The following PCLO variants were observed in gnomAD, a reference collection of about 807,000 sequenced individuals.
PCLO encodes the protein piccolo presynaptic cytomatrix protein, also known as protein piccolo.
Under a neutral mutation model 427.5 loss-of-function variants are expected in PCLO, and 82 were observed. The ratio of observed to expected loss-of-function variants is 0.19; its 90% confidence interval spans 0.16 to 0.23. PCLO has a LOEUF of 0.23. PCLO is among the 10% of genes least tolerant of loss of function. PCLO has a pLI of 1.00. For missense variants in PCLO, 6,239 were observed against 6,115.9 expected (o/e 1.02, Z -0.67); for synonymous variants, 2,357 against 2,155.4 (o/e 1.09, Z -2.59).
chr7:82,779,963 G>A (rs964772161), intron 22 of PCLO, among the ~76,000 whole-genome samples: 2 of 152,028 alleles, frequency 1.3e-5, no homozygotes, highest in Non-Finnish European at 2.9e-5. Flanking sequence ...CTAATAGAGT[G>A]TTCAGCATAT....
chr7:83,098,572 A>C (rs1790653014), intron 3 of PCLO, among the ~76,000 whole-genome samples: 1 of 152,140 alleles, frequency 6.6e-6, no homozygotes, highest in Admixed American at 6.5e-5. Context: ...AAAGGGAATA[A>C]ATGACTAAAC....
chr7:83,134,382 T>A lies in PCLO; in HGVS notation c.3168A>T (p.Glu1056Asp). 1 of 1,613,844 alleles carries A rather than the reference T, an allele frequency of 6.2e-7. No individual in the cohort carries two copies. Among genetic ancestry groups the A allele is most frequent in the Admixed American group, 1.7e-5 (1 of 60,004 alleles). ...PTKLEKSPKP[E>D]STCPLCKTEL... ...CAGTTTTGCAGAGAGGACAGGTTGATTCTGGTTTGGGCGATTTCTCCAGTT... is the reference window on the plus strand; with the variant it reads ...CAGTTTTGCAGAGAGGACAGGTTGAATCTGGTTTGGGCGATTTCTCCAGTT... The change falls in exon 3 of 25, where the codon GAA becomes GAT. Residue 1056 changes from glutamate (E) to aspartate (D), a missense_variant. Physicochemically the swap from Glu to Asp is conservative, Grantham distance 45 (BLOSUM62 2). Around this residue, in one of 5 missense-constraint regions of PCLO, gnomAD observed 4,677 missense variants for 4,468.4 expected, o/e 1.05. Coordinates refer to ENST00000333891, the MANE Select transcript of PCLO (RefSeq NM_033026.6).
In PCLO at chr7:83,119,865, CAG is replaced by C. The variant is rs572944197; in HGVS notation, c.3300+14383_3300+14384del. On this transcript the variant is annotated intron_variant, in intron 3 of 24. Coordinates refer to ENST00000333891, the MANE Select transcript of PCLO (RefSeq NM_033026.6). Reference sequence around the variant, plus strand: ...TATTGAAGTAATTTAAAAAATCAAACAGAAATTGTGTAACTGAAAAATTCAAT... The same window carrying C: ...TATTGAAGTAATTTAAAAAATCAAACAAATTGTGTAACTGAAAAATTCAAT... Among the ~76,000 whole-genome samples the C allele has an allele frequency of 2.1e-4, 31 of 144,514 alleles. No homozygotes were observed. In the South Asian group the frequency reaches 6.2e-3, roughly 29 times the overall value. The allele number at this position is 144,514 out of a possible 152,430, so 94.8% of individuals were successfully genotyped here. A position where few individuals can be genotyped will look rare whatever the true frequency, so the allele number is the denominator to read the frequency against.
chr7:82,798,896 T>C (rs1267298465), intron 22 of PCLO, among the ~76,000 whole-genome samples: 2 of 152,148 alleles, frequency 1.3e-5, no homozygotes, highest in Non-Finnish European at 2.9e-5. Flanking sequence ...CCCGCCCCTC[T>C]GCTCAATAAC....
In PCLO at chr7:83,162,478, C is replaced by G. The variant is rs1265206814; in HGVS notation, c.115G>C (p.Ala39Pro). Residue 39 changes from alanine to proline, a missense_variant, in exon 1 of 25, where the codon GCC (alanine) becomes CCC (proline). Physicochemically the swap from Ala to Pro is conservative, Grantham distance 27 (BLOSUM62 -1). Around this residue, in one of 5 missense-constraint regions of PCLO, gnomAD observed 4,677 missense variants for 4,468.4 expected, o/e 1.05. Transcript: ENST00000333891. ...AGSPSHTAIP[A>P]GMEADLSQLS... ...TGGCTCAAATCCGCCTCCATGCCGG[C>G]CGGGATCGCGGTGTGAGAGGGGCTC... is the stretch of plus-strand genomic sequence containing the variant. 2 of 1,581,406 alleles carry G rather than the reference C, an allele frequency of 1.3e-6. No individual in the cohort carries two copies. The highest frequency in any genetic ancestry group is 1.3e-5 in the African/African-American group (1 of 74,272).
In PCLO at chr7:83,050,222, A is replaced by AC. The variant is rs1420556601; in HGVS notation, c.3301-83736_3301-83735insG. Among the ~76,000 whole-genome samples the AC allele has an allele frequency of 1.5e-3, 177 of 119,080 alleles. 1 individual carries two copies. Among genetic ancestry groups the AC allele is most frequent in the African/African-American group, 5.6e-3 (175 of 31,356 alleles). The allele number at this position is 119,080 out of a possible 152,430, so 78.1% of individuals were successfully genotyped here. A position where few individuals can be genotyped will look rare whatever the true frequency, so the allele number is the denominator to read the frequency against. On this transcript the variant is annotated intron_variant, in intron 3 of 24. Transcript: ENST00000333891. ...TCTGAAAAACTGAAAAAAAAAAAAA[A>AC]AAAAAAAAAAAAAAACACAAGCAAA... is the stretch of plus-strand genomic sequence containing the variant.
At chr7:83,013,140 G>A (rs1429348330) in intron 3 of PCLO, among the ~76,000 whole-genome samples, 2 of 151,760 alleles carry the variant, frequency 1.3e-5, no homozygotes, top group Admixed American at 6.6e-5. Flanking sequence ...AGTGAATATG[G>A]CACTTATAAT....
intron 22 of PCLO, among the ~76,000 whole-genome samples, chr7:82,775,649 T>C (rs1790734022): frequency 6.6e-6 from 1 of 152,188 alleles, no homozygotes; most frequent in Non-Finnish European, 1.5e-5. Flanking sequence ...TAAATATTTT[T>C]TCCCAGATTG....
intron 3 of PCLO, among the ~76,000 whole-genome samples, chr7:82,997,918 C>T (rs1289234447): frequency 3.3e-5 from 5 of 151,926 alleles, no homozygotes; most frequent in African/African-American, 1.2e-4. Flanking sequence ...TTTTGTTCAT[C>T]TCCATGTAAG....
At chr7:82,829,750 T>A in intron 16 of PCLO, among the ~76,000 whole-genome samples, 1 of 152,172 alleles carries the variant, frequency 6.6e-6, no homozygotes, top group East Asian at 1.9e-4. Flanking sequence ...ATTCCACTTC[T>A]GCCATAGAGA....
intron 2 of PCLO, among the ~76,000 whole-genome samples, chr7:83,139,177 C>T (rs553865368): frequency 6.6e-6 from 1 of 151,502 alleles, no homozygotes; most frequent in Non-Finnish European, 1.5e-5. Flanking sequence ...TAAATTTAAA[C>T]CTTCACAAAA....
intron 3 of PCLO, among the ~76,000 whole-genome samples, chr7:83,029,106 A>C (rs886563232): frequency 2.6e-5 from 4 of 151,658 alleles, no homozygotes; most frequent in Non-Finnish European, 5.9e-5. Flanking sequence ...AAATTGACAA[A>C]TGGGATATAA....
intron 3 of PCLO, among the ~76,000 whole-genome samples, chr7:82,983,736 G>A (rs928382121): frequency 7.3e-5 from 11 of 151,418 alleles, no homozygotes; most frequent in Non-Finnish European, 1.5e-4. Flanking sequence ...AGAAGAAAAC[G>A]GTATTTCTAA....
At chr7:83,144,081 CA>C (rs1185990127) in intron 2 of PCLO, among the ~76,000 whole-genome samples, 1 of 152,098 alleles carries the variant, frequency 6.6e-6, no homozygotes, top group Non-Finnish European at 1.5e-5. Flanking sequence ...AGGATTAAGC[CA>C]ATTAGTTGCA....
chr7:82,988,051 A>T (rs1388027681), intron 3 of PCLO, among the ~76,000 whole-genome samples: 2 of 152,156 alleles, frequency 1.3e-5, no homozygotes, highest in African/African-American at 4.8e-5. Flanking sequence ...TACTATTTAT[A>T]TACTTTTTTT....
intron 22 of PCLO, among the ~76,000 whole-genome samples, chr7:82,791,652 G>A (rs1329428255): frequency 6.6e-6 from 1 of 152,100 alleles, no homozygotes; most frequent in African/African-American, 2.4e-5. Context: ...CTATTATCTC[G>A]TGTCCATAGT....
chr7:82,958,370 C>T (rs1438194096), intron 4 of PCLO, among the ~76,000 whole-genome samples: 1 of 151,018 alleles, frequency 6.6e-6, no homozygotes, highest in Non-Finnish European at 1.5e-5. Context: ...CCTTTCCTCC[C>T]TCCCTCTCCC....
chr7:82,952,402 C>T lies in PCLO; in HGVS notation c.8551G>A (p.Ala2851Thr), dbSNP rs1479815537. ...DQVFPIAREE[A>T]PINLSLGTPA... Reference sequence around the variant, plus strand: ...GTACCTAGAGATAAGTTTATTGGTGCTTCTTCCCTAGCTATAGGAAAGACC... The same window carrying T: ...GTACCTAGAGATAAGTTTATTGGTGTTTCTTCCCTAGCTATAGGAAAGACC... Residue 2851 changes from alanine (A) to threonine (T), a missense_variant, in exon 5 of 25, where the codon GCA becomes ACA. Around this residue, in one of 5 missense-constraint regions of PCLO, gnomAD observed 4,677 missense variants for 4,468.4 expected, o/e 1.05. Transcript: ENST00000333891. 3 of 1,613,892 alleles carry T rather than the reference C, an allele frequency of 1.9e-6. No homozygotes were observed. Among genetic ancestry groups the T allele is most frequent in the East Asian group, 2.2e-5 (1 of 44,860 alleles).
rs556463672 is a variant in PCLO at position 82,844,988 on chromosome 7, T to C, written c.14046+283A>G. 8.3e-4 allele frequency among the ~76,000 whole-genome samples: 126 copies of C among 152,230 alleles called. 5 individuals are homozygous for C. In the South Asian group the frequency reaches 0.026, roughly 31 times the overall value. On this transcript the variant is annotated intron_variant, in intron 13 of 24. Transcript: ENST00000333891. The stretch of plus-strand genomic sequence containing the variant: ...ATTCTATATACGTATCTCAGATTCA[T>C]GCAACAACAAAGAGAACCAGAAAAT...
Sources: allele counts gnomAD v4.1 joint callset (sites outside exome capture counted in the v4.1 genomes callset), GRCh38; gene constraint gnomAD v4.1.1; regional missense constraint gnomAD v4.1.1; transcripts MANE v1.5; gene names NCBI Gene and HGNC (gene_info 2026-07-23, HGNC 2026-07-21).